The following COL11A1 variants were observed in gnomAD, a reference collection of about 807,000 sequenced individuals.
COL11A1 encodes collagen type XI alpha 1 chain.
COL11A1 carries 74 observed loss-of-function variants against 265.2 expected under a neutral mutation model. The ratio of observed to expected loss-of-function variants is 0.28; its 90% CI spans 0.23 to 0.34. COL11A1 has a LOEUF of 0.34. Ranked by LOEUF, COL11A1 falls within the 10% of genes least tolerant of loss-of-function variation. COL11A1 has a pLI of 1.00. For synonymous variants in COL11A1, 816 were observed against 727.6 expected (o/e 1.12, Z -1.96); for missense variants, 2,165 against 2,263.6 (o/e 0.96, Z 0.88).
At chr1:102,917,630 C>G (rs921033047) in intron 49 of COL11A1, among the ~76,000 whole-genome samples, 2 of 151,818 alleles carry the variant, frequency 1.3e-5, no homozygotes, top group Non-Finnish European at 2.9e-5. Flanking sequence ...TAGTAACCCT[C>G]TATATGTTTT....
intron 51 of COL11A1, 119 bp downstream of exon 51, chr1:102,914,585 G>A (rs1655083333): frequency 2.0e-6 from 2 of 983,512 alleles, no homozygotes; most frequent in Non-Finnish European, 1.6e-6. Flanking sequence ...TATATGAAAT[G>A]ATGAAAAGTC....
chr1:103,036,638 T>C (rs1668394292), intron 4 of COL11A1, among the ~76,000 whole-genome samples: 1 of 151,896 alleles, frequency 6.6e-6, no homozygotes. Flanking sequence ...CATTTTACAG[T>C]GTTTTATGTT....
rs142177576 is a variant in COL11A1 at position 103,104,685 on chromosome 1, C to A, written c.106+3388G>T. ...CTAAACTGAAGCTATGTGTGTAAAGCATGCAGAAAGGTGTTTCTCTTTAGT... is the reference window on the plus strand; with the variant it reads ...CTAAACTGAAGCTATGTGTGTAAAGAATGCAGAAAGGTGTTTCTCTTTAGT... On this transcript the variant is annotated intron_variant, in intron 1 of 66. Coordinates refer to ENST00000370096, the MANE Select transcript of COL11A1 (RefSeq NM_001854.4). Among the ~76,000 whole-genome samples the A allele has an allele frequency of 2.0e-4, 31 of 152,278 alleles. No individual in the cohort carries two copies. The East Asian group carries it at 2.9e-3, about 14-fold the overall frequency.
chr1:102,938,814 A>G (rs981593105), intron 44 of COL11A1, among the ~76,000 whole-genome samples: 1 of 152,178 alleles, frequency 6.6e-6, no homozygotes, highest in African/African-American at 2.4e-5. Flanking sequence ...TAGCAGAGTT[A>G]TAAATAATGG....
At position 102,965,543 on chromosome 1, in the gene COL11A1, A is replaced by G; in HGVS notation, c.2863-3T>C. On this transcript the variant is annotated splice_polypyrimidine_tract_variant and splice_region_variant and intron_variant, in intron 37 of 66. Coordinates refer to ENST00000370096, the MANE Select transcript of COL11A1 (RefSeq NM_001854.4). ...GGGCCGGTCTTGCCTTGAAATCCCT[A>G]AGGAGGCAAAGTATTATTTGTAAAA... 6.2e-7 allele frequency: 1 copy of G among 1,612,690 alleles called. No individual in the cohort carries two copies. The highest frequency in any genetic ancestry group is 1.1e-5 in the South Asian group (1 of 91,036).
chr1:103,003,251 C>A lies in COL11A1; in HGVS notation c.1962G>T (p.Leu654=). The A allele has an allele frequency of 6.2e-7, 1 of 1,613,302 alleles. No individual in the cohort carries two copies. The highest frequency in any genetic ancestry group is 8.5e-7 in the Non-Finnish European group (1 of 1,179,788). Residue 654 remains leucine, a synonymous_variant, in exon 21 of 67, where the codon CTG becomes CTT. Coordinates refer to ENST00000370096, the MANE Select transcript of COL11A1 (RefSeq NM_001854.4). ...LPGEAGPRGL[L]GPRGTPGAPG... is the part of the protein sequence containing the mutation. ...GAGCTCCTGGAGTTCCCCTTGGACC[C>A]AGCAAACCTCGTGGGCCCTAGGAGA...
intron 38 of COL11A1, 121 bp downstream of exon 38, chr1:102,965,366 C>G: frequency 9.8e-7 from 1 of 1,023,310 alleles, no homozygotes; most frequent in Non-Finnish European, 1.5e-6. Flanking sequence ...TAAATGCAAT[C>G]TGAAATAAAA....
At chr1:103,049,614 C>G (rs923584522) in intron 4 of COL11A1, among the ~76,000 whole-genome samples, 1 of 152,056 alleles carries the variant, frequency 6.6e-6, no homozygotes, top group Admixed American at 6.6e-5. Context: ...AAGTTAATAT[C>G]GTTATGTGTT....
At chr1:102,880,418 A>G (rs541679720) in intron 65 of COL11A1, among the ~76,000 whole-genome samples, 2 of 152,308 alleles carry the variant, frequency 1.3e-5, no homozygotes, top group East Asian at 1.9e-4. Context: ...TTTTGGGGCT[A>G]TAGTCCTCAA....
intron 57 of COL11A1, among the ~76,000 whole-genome samples, chr1:102,895,247 C>T (rs934970535): frequency 6.6e-6 from 1 of 152,124 alleles, no homozygotes; most frequent in Non-Finnish European, 1.5e-5. Context: ...TATCCAGAAA[C>T]TTCCTATAAA....
At chr1:102,894,320 G>T (rs537150382) in intron 57 of COL11A1, among the ~76,000 whole-genome samples, 2 of 152,218 alleles carry the variant, frequency 1.3e-5, no homozygotes, top group African/African-American at 4.8e-5. Flanking sequence ...GATCGCTTGA[G>T]CCCTGGAGTC....
intron 4 of COL11A1, among the ~76,000 whole-genome samples, chr1:103,041,050 TAACACTTAGACTCAA>T (rs906980011): frequency 6.6e-6 from 1 of 151,942 alleles, no homozygotes; most frequent in Non-Finnish European, 1.5e-5. Flanking sequence ...ACTTTTATTT[TAACACTTAGACTCAA>T]AAGACAAGTT....
At position 102,909,206 on chromosome 1, in the gene COL11A1, G is replaced by A. The variant is rs573907183; in HGVS notation, c.4086+2953C>T. The stretch of plus-strand genomic sequence containing the variant: ...CTTCTCACTCTGTTAGTTCCTGAGA[G>A]AGCTGGTTGTTAAAAAGTGCCTGGC... On this transcript the variant is annotated intron_variant, in intron 54 of 66. Transcript: ENST00000370096. Among the ~76,000 whole-genome samples, 71 of 152,156 alleles carry A rather than the reference G, an allele frequency of 4.7e-4. 1 individual carries two copies. Among genetic ancestry groups the A allele is most frequent in the African/African-American group, 1.7e-3 (70 of 41,518 alleles).
Position 103,107,999 on chromosome 1 carries a change from A to T in COL11A1, c.106+74T>A, listed in dbSNP as rs1240193953. The T allele has an allele frequency of 4.7e-6, 5 of 1,056,652 alleles. No homozygotes were observed. In the East Asian group the frequency reaches 1.2e-4, roughly 25 times the overall value. 65.5% of individuals were successfully genotyped at this position (1,056,652 alleles called of 1,614,324 possible). On this transcript the variant is annotated intron_variant, in intron 1 of 66. Transcript: ENST00000370096. ...TTCTTGAAGAGCGGGGAGGAAGGGTAAAGTGGGGGGAGGGGCGCAGAAGCA... is the reference window on the plus strand; with the variant it reads ...TTCTTGAAGAGCGGGGAGGAAGGGTTAAGTGGGGGGAGGGGCGCAGAAGCA...
chr1:103,092,354 G>A (rs964260648), intron 1 of COL11A1, among the ~76,000 whole-genome samples: 1 of 152,032 alleles, frequency 6.6e-6, no homozygotes, highest in South Asian at 2.1e-4. Context: ...AAAAAGTTAA[G>A]TATGTCATGA....
chr1:103,078,611 A>T (rs907562880), intron 3 of COL11A1, 47 bp downstream of exon 3: 1 of 1,561,358 alleles, frequency 6.4e-7, no homozygotes, highest in African/African-American at 1.4e-5. Flanking sequence ...CTGAATAAAA[A>T]AAATGATTTT....
At chr1:103,013,305 T>C (rs1026961261) in intron 13 of COL11A1, among the ~76,000 whole-genome samples, 2 of 151,976 alleles carry the variant, frequency 1.3e-5, no homozygotes, top group African/African-American at 4.8e-5. Context: ...ACAATATACT[T>C]CTTAATCCTT....
chr1:102,981,954 C>A (rs1663080655), intron 31 of COL11A1, among the ~76,000 whole-genome samples: 1 of 151,572 alleles, frequency 6.6e-6, no homozygotes, highest in South Asian at 2.1e-4. Flanking sequence ...AAAGGCATTT[C>A]ATTTTAGTAA....
At chr1:102,958,252 A>T (rs1660559217) in intron 41 of COL11A1, among the ~76,000 whole-genome samples, 1 of 152,034 alleles carries the variant, frequency 6.6e-6, no homozygotes, top group Non-Finnish European at 1.5e-5. Flanking sequence ...ATATTTTGCC[A>T]TCACCTTTTC....
Sources: gnomAD v4.1 joint callset for allele counts (sites outside exome capture counted in the v4.1 genomes callset) on GRCh38, gnomAD v4.1.1 for gene constraint, MANE v1.5 for transcripts, NCBI Gene and HGNC (gene_info 2026-07-23, HGNC 2026-07-21) for gene names.